Variants in BCL7C observed in about 807,000 individuals in gnomAD.
BCL7C encodes BAF chromatin remodeling complex subunit BCL7C.
Under a neutral mutation model 26.2 loss-of-function variants are expected in BCL7C, and 8 were observed. The ratio of observed to expected loss-of-function variants is 0.30; its 90% CI spans 0.18 to 0.55. The LOEUF (loss-of-function observed/expected upper bound fraction) is 0.55, where lower values mean the gene tolerates loss of function less well. Ranked by LOEUF, BCL7C falls within the 20% of genes least tolerant of loss-of-function variation. The pLI is 0.93. For missense variants in BCL7C, 262 were observed against 298.5 expected (o/e 0.88, Z 0.90); for synonymous variants, 90 against 116.5 (o/e 0.77, Z 1.47).
intron 5 of BCL7C, among the ~76,000 whole-genome samples, chr16:30,836,855 G>A (rs2151358118): frequency 6.6e-6 from 1 of 150,884 alleles, no homozygotes; most frequent in Admixed American, 6.6e-5. Context: ...GTGCAATGGT[G>A]CTGTCTTGAC....
chr16:30,837,456 T>G (rs2054576912), intron 5 of BCL7C, among the ~76,000 whole-genome samples: 1 of 151,938 alleles, frequency 6.6e-6, no homozygotes, highest in Admixed American at 6.6e-5. Context: ...CAAGTGATTC[T>G]CCTGCCTCAG....
At chr16:30,862,690 C>T (rs1033350845) in intron 5 of BCL7C, among the ~76,000 whole-genome samples, 6 of 152,216 alleles carry the variant, frequency 3.9e-5, no homozygotes, top group East Asian at 3.9e-4. Flanking sequence ...CCCAGTTGAT[C>T]GTGTCCGGAT....
At chr16:30,835,006 C>T (rs1190200118) in exon 6 of BCL7C, 1 of 1,548,834 alleles carries the variant, frequency 6.5e-7, no homozygotes, top group Non-Finnish European at 8.7e-7. Flanking sequence ...GCTGCCTCCC[C>T]CGGGAGCTCT....
rs1285704038 is a variant in BCL7C, at chr16:30,887,855, G to C, written c.*10C>G. Reference sequence around the variant, plus strand: ...GGCCCCTGGGGCAACAGGACAGGCAGGCCGGCTTCTCAGGGGTCAGGGGCA... The same window carrying C: ...GGCCCCTGGGGCAACAGGACAGGCACGCCGGCTTCTCAGGGGTCAGGGGCA... On this transcript the variant is annotated 3_prime_UTR_variant, in exon 6 of 6. Transcript: ENST00000215115. 1 of 1,568,008 alleles carries C rather than the reference G, an allele frequency of 6.4e-7. No homozygotes were observed. The highest frequency in any genetic ancestry group is 2.0e-5 in the Admixed American group (1 of 49,724).
Position 30,892,869 on chromosome 16 carries a change from C to G in BCL7C, c.251G>C (p.Gly84Ala), listed in dbSNP as rs564218486. ...AAGATCCAGCAGGATGAGAGGGCCA[C>G]CCCCTCGGGGACTGGCGCCCCTGCC... ...RRGRGASPRG[G>A]GPLILLDLND... The change falls in exon 3 of 6, where the codon GGT becomes GCT. Residue 84 changes from glycine to alanine, a missense_variant. Gly to Ala is a moderately conservative substitution (Grantham distance 60). Transcript: ENST00000215115. 1.5e-5 allele frequency: 24 copies of G among 1,612,984 alleles called. No homozygotes were observed. In the South Asian group the frequency reaches 2.3e-4, roughly 15 times the overall value.
At chr16:30,868,769 G>C (rs764203600) in intron 5 of BCL7C, among the ~76,000 whole-genome samples, 2 of 151,226 alleles carry the variant, frequency 1.3e-5, no homozygotes, top group Non-Finnish European at 2.9e-5. Context: ...TGGGCAACAA[G>C]AGCGAAACTC....
At chr16:30,866,774 C>G (rs1466798629) in intron 5 of BCL7C, among the ~76,000 whole-genome samples, 1 of 152,046 alleles carries the variant, frequency 6.6e-6, no homozygotes, top group Non-Finnish European at 1.5e-5. Context: ...CAGAGGTTTG[C>G]TGGGCGTGCC....
At chr16:30,835,025 G>A (rs1205590801) in exon 6 of BCL7C, 4 of 1,549,276 alleles carry the variant, frequency 2.6e-6, no homozygotes, top group Non-Finnish European at 2.6e-6. Context: ...CTGGTGTCCG[G>A]CACCGCCATG....
At chr16:30,866,066 T>A (rs2054824513) in intron 5 of BCL7C, among the ~76,000 whole-genome samples, 1 of 151,954 alleles carries the variant, frequency 6.6e-6, no homozygotes, top group Non-Finnish European at 1.5e-5. Context: ...CAAATCCTCA[T>A]AATAGACGAG....
chr16:30,882,403 C>A (rs1281789893), intron 5 of BCL7C, among the ~76,000 whole-genome samples: 6 of 152,166 alleles, frequency 3.9e-5, no homozygotes. Flanking sequence ...AGACAGGGAC[C>A]ACTACAAAGC....
At chr16:30,867,539 T>A (rs904624434) in intron 5 of BCL7C, among the ~76,000 whole-genome samples, 5 of 152,122 alleles carry the variant, frequency 3.3e-5, no homozygotes, top group African/African-American at 1.2e-4. Context: ...GACTCGGCCA[T>A]CCCAGCACTT....
intron 5 of BCL7C, among the ~76,000 whole-genome samples, chr16:30,850,901 A>G (rs1448038717): frequency 6.6e-5 from 10 of 152,250 alleles, no homozygotes; most frequent in Admixed American, 6.5e-4. Context: ...TTCTGCAGTA[A>G]TAAATTAATT....
chr16:30,893,512 C>T lies in BCL7C; in HGVS notation c.93-222G>A, dbSNP rs1313156980. Among the ~76,000 whole-genome samples the T allele has an allele frequency of 6.6e-5, 10 of 152,204 alleles. No individual in the cohort carries two copies. Among genetic ancestry groups the T allele is most frequent in the Non-Finnish European group, 1.5e-5 (1 of 67,986 alleles). On this transcript the variant is annotated intron_variant, in intron 1 of 5. Coordinates refer to ENST00000215115, the MANE Select transcript of BCL7C (RefSeq NM_004765.4). This position sits in a 1 kb window ranked among gnomAD's most constrained non-coding sequence, Gnocchi z 5.2. ...GAGGATATGATTTGGGGCCCTGGCT[C>T]TGCGGACCCCTGGGGCACACATGGG...
chr16:30,877,862 C>T (rs2054974062), intron 5 of BCL7C, among the ~76,000 whole-genome samples: 1 of 152,120 alleles, frequency 6.6e-6, no homozygotes, highest in African/African-American at 2.4e-5. Flanking sequence ...TTAGCATCAC[C>T]TGAGGAGCTT....
chr16:30,864,715 C>G (rs923040948), intron 5 of BCL7C, among the ~76,000 whole-genome samples: 1 of 152,160 alleles, frequency 6.6e-6, no homozygotes, highest in African/African-American at 2.4e-5. Context: ...GTGACCTGCA[C>G]GTATACATCC....
intron 5 of BCL7C, among the ~76,000 whole-genome samples, chr16:30,866,175 G>A (rs2054825725): frequency 6.6e-6 from 1 of 152,134 alleles, no homozygotes; most frequent in South Asian, 2.1e-4. Context: ...AGGGAGTGAT[G>A]GAGGAGTTGG....
At chr16:30,842,072 C>A (rs773625895) in intron 5 of BCL7C, among the ~76,000 whole-genome samples, 9 of 152,066 alleles carry the variant, frequency 5.9e-5, no homozygotes, top group South Asian at 4.1e-4. Context: ...GTGTTCACCC[C>A]CCTTTGTTCA....
At chr16:30,880,104 T>A (rs1596612925) in intron 5 of BCL7C, among the ~76,000 whole-genome samples, 1 of 151,862 alleles carries the variant, frequency 6.6e-6, no homozygotes, top group African/African-American at 2.4e-5. Context: ...CAGTGAGCTA[T>A]GATCTAAAAC....
chr16:30,850,856 T>G (rs751156424), intron 5 of BCL7C, among the ~76,000 whole-genome samples: 2 of 152,192 alleles, frequency 1.3e-5, no homozygotes, highest in Non-Finnish European at 2.9e-5. Context: ...GAACACTGTA[T>G]ATATAGGCTA....
Sources: allele counts gnomAD v4.1 joint callset (sites outside exome capture counted in the v4.1 genomes callset), GRCh38; gene constraint gnomAD v4.1.1; non-coding constraint Gnocchi (gnomAD v3.1); transcripts MANE v1.5; gene names NCBI Gene and HGNC (gene_info 2026-07-23, HGNC 2026-07-21).